Variants in RGS12 observed in about 807,000 individuals in gnomAD.
RGS12 encodes the protein regulator of G protein signaling 12.
RGS12 carries 66 observed loss-of-function variants against 120.1 expected under a neutral mutation model. That is an observed-to-expected ratio of 0.55 (90% confidence interval 0.45 to 0.67). The LOEUF (loss-of-function observed/expected upper bound fraction) is 0.67, where lower values mean the gene tolerates loss of function less well. Ranked by LOEUF, RGS12 falls within the 30% of genes least tolerant of loss-of-function variation. The pLI is 0.00. For synonymous variants in RGS12, 827 were observed against 804.7 expected (o/e 1.03, Z -0.47); for missense variants, 1,859 against 1,957.7 (o/e 0.95, Z 0.95).
chr4:3,307,186 G>A (rs1229603966), intron 1 of RGS12, among the ~76,000 whole-genome samples: 2 of 152,184 alleles, frequency 1.3e-5, no homozygotes, highest in Non-Finnish European at 1.5e-5. Context: ...CCTAGGATAC[G>A]GCCTTTGCCG....
chr4:3,380,398 T>C (rs913119524), intron 3 of RGS12, among the ~76,000 whole-genome samples: 1 of 152,176 alleles, frequency 6.6e-6, no homozygotes, highest in African/African-American at 2.4e-5. Flanking sequence ...CATTTTGAGG[T>C]GTGGAGGAGG....
At chr4:3,292,823 C>T (rs921715468), upstream of RGS12, among the ~76,000 whole-genome samples, 2 of 152,166 alleles carry the variant, frequency 1.3e-5, no homozygotes, top group Non-Finnish European at 2.9e-5. Flanking sequence ...CGCTTCTTCT[C>T]ATCCCTGCTT....
intron 1 of RGS12, among the ~76,000 whole-genome samples, chr4:3,309,332 G>A (rs1438298130): frequency 6.7e-6 from 1 of 148,808 alleles, no homozygotes; most frequent in African/African-American, 2.5e-5. Context: ...GGTGGGAGAG[G>A]AGCTGGGATC....
intron 3 of RGS12, among the ~76,000 whole-genome samples, chr4:3,383,855 C>T (rs1718529835): frequency 1.3e-5 from 2 of 152,266 alleles, no homozygotes; most frequent in South Asian, 4.2e-4. Flanking sequence ...CCCTGGCCAC[C>T]TTCTCCTTCA....
upstream of RGS12, among the ~76,000 whole-genome samples, chr4:3,292,424 C>G (rs1324024311): frequency 2.0e-5 from 3 of 152,218 alleles, no homozygotes; most frequent in Middle Eastern, 3.2e-3. Context: ...ACGGCCTTTC[C>G]TGGCTGTCCC....
At position 3,428,556 on chromosome 4, in the gene RGS12, A is replaced by G; in HGVS notation, c.3412-2A>G. ...AGAACTTTGACTTTCCTTCTAATGC[A>G]GGGAGAGGAAAGAACACTAGGCAAG... On this transcript the variant is annotated splice_acceptor_variant, in intron 15 of 17. Transcript: ENST00000336727. LOFTEE classifies it high-confidence loss of function. 1 of 1,576,164 alleles carries G rather than the reference A, an allele frequency of 6.3e-7. No individual in the cohort carries two copies. Among genetic ancestry groups the G allele is most frequent in the Non-Finnish European group, 8.6e-7 (1 of 1,167,280 alleles).
At chr4:3,398,090 C>T (rs1178351912) in intron 4 of RGS12, among the ~76,000 whole-genome samples, 2 of 152,170 alleles carry the variant, frequency 1.3e-5, no homozygotes, top group African/African-American at 4.8e-5. Flanking sequence ...GTACATCGGA[C>T]AATACCTGGT....
Position 3,433,085 on chromosome 4 carries a change from G to A in RGS12, c.4114+2130G>A, listed in dbSNP as rs1224440156. 6.6e-6 allele frequency among the ~76,000 whole-genome samples: 1 copy of A among 152,248 alleles called. No individual in the cohort carries two copies. Among genetic ancestry groups the A allele is most frequent in the Non-Finnish European group, 1.5e-5 (1 of 68,034 alleles). ...GCAAAGGAAACAGGCTGTGAATGCC[G>A]TGGTGGCCTGATGGAACCTCTTTCA... On this transcript the variant is annotated intron_variant, in intron 17 of 17. Coordinates refer to ENST00000336727, the MANE Select transcript of RGS12 (RefSeq NM_001394154.1). The surrounding 1 kb of genome is among the most constrained non-coding windows in gnomAD (Gnocchi z 4.4).
intron 4 of RGS12, among the ~76,000 whole-genome samples, chr4:3,402,649 G>A (rs547119597): frequency 1.3e-5 from 2 of 152,170 alleles, no homozygotes; most frequent in African/African-American, 2.4e-5. Context: ...CCTCTGCGTT[G>A]GGTGGCGTCC....
chr4:3,339,265 T>C (rs967864463), intron 2 of RGS12, among the ~76,000 whole-genome samples: 6 of 152,144 alleles, frequency 3.9e-5, no homozygotes, highest in African/African-American at 1.4e-4. Context: ...AGTGATTGCT[T>C]GAGCCCAGGA....
In RGS12 at chr4:3,317,449, G is replaced by C. The variant is rs993084560; in HGVS notation, c.1279G>C (p.Gly427Arg). Residue 427 changes from glycine to arginine, a missense_variant, in exon 2 of 18, where the codon GGG (glycine) becomes CGG (arginine). Gly to Arg is a moderately radical substitution (Grantham distance 125). Coordinates refer to ENST00000336727, the MANE Select transcript of RGS12 (RefSeq NM_001394154.1). ...CAGCAGCAACAGTGACAGCGGCATT[G>C]GGAACTTCCACCAGGAGGAGAAGAG... ...STSSNSDSGI[G>R]NFHQEEKSNR... The C allele has an allele frequency of 1.2e-5, 20 of 1,613,934 alleles. No individual in the cohort carries two copies. The highest frequency in any genetic ancestry group is 1.6e-5 in the Non-Finnish European group (19 of 1,180,046).
intron 4 of RGS12, chr4:3,413,321 T>C (rs1166056779): frequency 6.6e-6 from 1 of 152,252 alleles, no homozygotes; most frequent in African/African-American, 2.4e-5. Flanking sequence ...GAGGGCCGTT[T>C]TGCAGACACG....
intron 3 of RGS12, among the ~76,000 whole-genome samples, chr4:3,360,328 AT>A (rs1188038107): frequency 6.6e-6 from 1 of 151,632 alleles, no homozygotes; most frequent in Non-Finnish European, 1.5e-5. Flanking sequence ...GGTTTTGTTA[AT>A]TTTTTTCTTG....
intron 1 of RGS12, among the ~76,000 whole-genome samples, chr4:3,294,104 T>A (rs1003144931): frequency 2.7e-5 from 4 of 148,130 alleles, no homozygotes; most frequent in Non-Finnish European, 6.0e-5. Flanking sequence ...TCTCTGTGCC[T>A]GAGTTTCCTC....
intron 3 of RGS12, among the ~76,000 whole-genome samples, chr4:3,376,408 G>C (rs975089310): frequency 5.9e-5 from 9 of 152,218 alleles, no homozygotes; most frequent in African/African-American, 2.2e-4. Context: ...CTGCAGTGAG[G>C]AGGGCACCAT....
intron 4 of RGS12, among the ~76,000 whole-genome samples, chr4:3,403,728 G>C (rs1461954018): frequency 2.0e-5 from 3 of 152,194 alleles, no homozygotes; most frequent in South Asian, 2.1e-4. Context: ...TACCCTACCT[G>C]TTCTTGCCCG....
rs1043591107 is a variant in RGS12, at chr4:3,411,670, C to T, written c.2021-2402C>T. ...TAGGCAAGCACAAAGAGTCAGCCCA[C>T]TCCAAGGACCCCTGCCCCAGAGAGA... On this transcript the variant is annotated intron_variant, in intron 4 of 17. Transcript: ENST00000336727. Among the ~76,000 whole-genome samples, 3 of 152,254 alleles carry T rather than the reference C, an allele frequency of 2.0e-5. No individual in the cohort carries two copies. In the East Asian group the frequency reaches 5.8e-4, roughly 29 times the overall value.
intron 3 of RGS12, among the ~76,000 whole-genome samples, chr4:3,351,503 G>A (rs569794380): frequency 6.6e-6 from 1 of 152,018 alleles, no homozygotes; most frequent in Non-Finnish European, 1.5e-5. Context: ...CTGCATCGTT[G>A]GTTGCCATAG....
At chr4:3,286,119 G>C in the RGS12 span, among the ~76,000 whole-genome samples, 1 of 152,242 alleles carries the variant, frequency 6.6e-6, no homozygotes, top group East Asian at 1.9e-4. Flanking sequence ...TGTCCTTCTG[G>C]TTATTCGTGA....
Sources: gnomAD v4.1 joint callset for allele counts (sites outside exome capture counted in the v4.1 genomes callset) on GRCh38, gnomAD v4.1.1 for gene constraint, Gnocchi (gnomAD v3.1) non-coding constraint, MANE v1.5 for transcripts, NCBI Gene and HGNC (gene_info 2026-07-23, HGNC 2026-07-21) for gene names.